DNAH11: variants seen among roughly 807,000 people sequenced by gnomAD.
The protein encoded by DNAH11 is axonemal beta dynein heavy chain 11.
In DNAH11, 442 loss-of-function variants were observed where a neutral mutation model predicts 526.0. The observed-to-expected ratio is 0.84, with a 90% CI of 0.78 to 0.91. The LOEUF (loss-of-function observed/expected upper bound fraction) is 0.91, where lower values mean the gene tolerates loss of function less well. Among genes scored for constraint, DNAH11 ranks in the 40% least tolerant of loss-of-function variants. The pLI is 0.00. For missense variants in DNAH11, 6,989 were observed against 5,448.7 expected, an observed-to-expected ratio of 1.28 and a Z score of -8.90; for synonymous variants, 2,461 against 1,935.9, an observed-to-expected ratio of 1.27 and a Z score of -7.12.
At position 21,869,009 on chromosome 7, in the gene DNAH11, G is replaced by T. The variant is rs755299496; in HGVS notation, c.11967+18G>T. 6.2e-7 allele frequency: 1 copy of T among 1,613,572 alleles called. No homozygotes were observed. The highest frequency in any genetic ancestry group is 2.2e-5 in the East Asian group (1 of 44,860). On this transcript the variant is annotated intron_variant, in intron 73 of 81. Transcript: ENST00000409508. Reference sequence around the variant, plus strand: ...TCCTCCAAGTGAGTATTAAGTTTCAGGGAAGACACTGGGCATAAACACAGA... The same window carrying T: ...TCCTCCAAGTGAGTATTAAGTTTCATGGAAGACACTGGGCATAAACACAGA...
chr7:21,878,315 A>G (rs193000710), intron 74 of DNAH11, among the ~76,000 whole-genome samples: 140 of 152,322 alleles, frequency 9.2e-4, no homozygotes, highest in African/African-American at 3.3e-3. Context: ...TCATTTATAT[A>G]AAGTACAGAT....
intron 61 of DNAH11, among the ~76,000 whole-genome samples, chr7:21,791,428 C>A (rs557946996): frequency 1.3e-5 from 2 of 152,248 alleles, no homozygotes; most frequent in African/African-American, 4.8e-5. Context: ...GCAACTTGAT[C>A]CCCCATCTCT....
chr7:21,631,329 A>T (rs1786596524), intron 25 of DNAH11, among the ~76,000 whole-genome samples: 1 of 152,108 alleles, frequency 6.6e-6, no homozygotes, highest in Non-Finnish European at 1.5e-5. Flanking sequence ...GTCCCTCCCA[A>T]ATCATGTCCT....
At chr7:21,557,743 C>A (rs1417660432) in intron 2 of DNAH11, among the ~76,000 whole-genome samples, 1 of 152,184 alleles carries the variant, frequency 6.6e-6, no homozygotes, top group African/African-American at 2.4e-5. Flanking sequence ...GCAAGTCTTT[C>A]TTAATACCAT....
At position 21,750,375 on chromosome 7, in the gene DNAH11, C is replaced by T; in HGVS notation, c.8940+11C>T. 6.3e-7 allele frequency: 1 copy of T among 1,592,332 alleles called. No homozygotes were observed. Among genetic ancestry groups the T allele is most frequent in the Non-Finnish European group, 8.6e-7 (1 of 1,169,298 alleles). ...CGACTACAGCTCAAAGTAAGAAATA[C>T]TTGCTTAATTTGCATGTTAGTTAAA... On this transcript the variant is annotated intron_variant, in intron 54 of 81. Transcript: ENST00000409508.
intron 24 of DNAH11, among the ~76,000 whole-genome samples, 153 bp downstream of exon 24, chr7:21,619,375 G>T (rs1346235004): frequency 6.6e-6 from 1 of 152,180 alleles, no homozygotes; most frequent in Non-Finnish European, 1.5e-5. Context: ...GGATGAGCAG[G>T]AACTAGAATC....
At chr7:21,584,350 T>G (rs1784414644) in intron 9 of DNAH11, among the ~76,000 whole-genome samples, 1 of 152,120 alleles carries the variant, frequency 6.6e-6, no homozygotes, top group South Asian at 2.1e-4. Context: ...ACACTGCATG[T>G]TCTCACTCAT....
At position 21,865,562 on chromosome 7, in the gene DNAH11, A is replaced by G. The variant is rs867478109; in HGVS notation, c.11496+905A>G. On this transcript the variant is annotated intron_variant, in intron 70 of 81. Coordinates refer to ENST00000409508, the MANE Select transcript of DNAH11 (RefSeq NM_001277115.2). ...CTGGAACTTCATAAGAAATGAAGTTATGGGAGAGAGCCAACCTTAGAGGAT... is the reference window on the plus strand; with the variant it reads ...CTGGAACTTCATAAGAAATGAAGTTGTGGGAGAGAGCCAACCTTAGAGGAT... Among the ~76,000 whole-genome samples, 36 of 152,194 alleles carry G rather than the reference A, an allele frequency of 2.4e-4. 1 individual carries two copies. The highest frequency in any genetic ancestry group is 5.9e-5 in the Non-Finnish European group (4 of 68,034).
At chr7:21,670,266 T>G (rs1025835881) in intron 30 of DNAH11, among the ~76,000 whole-genome samples, 2 of 152,026 alleles carry the variant, frequency 1.3e-5, no homozygotes, top group Admixed American at 1.3e-4. Flanking sequence ...TTAGATTTAT[T>G]TTTAGATGGT....
At chr7:21,626,131 A>C (rs1786319755) in intron 25 of DNAH11, among the ~76,000 whole-genome samples, 1 of 152,108 alleles carries the variant, frequency 6.6e-6, no homozygotes, top group African/African-American at 2.4e-5. Flanking sequence ...AACTGTAGCC[A>C]CCCTACTGAT....
intron 54 of DNAH11, among the ~76,000 whole-genome samples, chr7:21,753,460 G>C (rs1342813011): frequency 6.6e-6 from 1 of 152,136 alleles, no homozygotes; most frequent in Non-Finnish European, 1.5e-5. Flanking sequence ...GTGCCTATGT[G>C]CTTTCATGCT....
Position 21,619,171 on chromosome 7 carries a change from T to C in DNAH11, c.4326T>C (p.Asp1442=). ...CACTGCGGTTACACAGAGTGGAAGATGATGTCCGAAGGATTGTGGACAAGG... is the reference window on the plus strand; with the variant it reads ...CACTGCGGTTACACAGAGTGGAAGACGATGTCCGAAGGATTGTGGACAAGG... ...LLALRLHRVE[D]DVRRIVDKAV... is the part of the protein sequence containing the mutation. Residue 1442 remains aspartate (D), a synonymous_variant, in exon 24 of 82, where the codon GAT becomes GAC. Coordinates refer to ENST00000409508, the MANE Select transcript of DNAH11 (RefSeq NM_001277115.2). 1 of 1,613,548 alleles carries C rather than the reference T, an allele frequency of 6.2e-7. No individual in the cohort carries two copies. Among genetic ancestry groups the C allele is most frequent in the East Asian group, 2.2e-5 (1 of 44,862 alleles).
intron 55 of DNAH11, among the ~76,000 whole-genome samples, chr7:21,768,348 C>T (rs1379239971): frequency 6.6e-6 from 1 of 152,086 alleles, no homozygotes; most frequent in Non-Finnish European, 1.5e-5. Context: ...AGAGAAGCTG[C>T]GGTGTTGAAA....
chr7:21,546,707 C>T (rs1023533959), intron 2 of DNAH11, among the ~76,000 whole-genome samples: 2 of 152,132 alleles, frequency 1.3e-5, no homozygotes, highest in Admixed American at 6.5e-5. Flanking sequence ...CTTTATGTAT[C>T]ACGTTGGCCC....
chr7:21,668,285 G>A (rs995501868), intron 30 of DNAH11, among the ~76,000 whole-genome samples: 8 of 152,010 alleles, frequency 5.3e-5, no homozygotes, highest in African/African-American at 1.4e-4. Context: ...AATAGAGATA[G>A]TATCTCTCTC....
intron 57 of DNAH11, among the ~76,000 whole-genome samples, chr7:21,781,570 G>T (rs1164542400): frequency 1.3e-5 from 2 of 152,164 alleles, no homozygotes; most frequent in South Asian, 2.1e-4. Flanking sequence ...CTTCTAAATT[G>T]AAGCGCTAAT....
In DNAH11 at chr7:21,636,051, G is replaced by A. The variant is rs752129504; in HGVS notation, c.4681G>A (p.Val1561Met). 3.7e-6 allele frequency: 6 copies of A among 1,613,518 alleles called. No individual in the cohort carries two copies. In the East Asian group the frequency reaches 1.1e-4, roughly 30 times the overall value. The stretch of plus-strand genomic sequence containing the variant: ...TTCAGAAGATATTCGAATCCAGCTT[G>A]TGAAAGATGCTAGAAGATTTGATGG... ...VCSEDIRIQL[V>M]KDARRFDGVD... The change falls in exon 26 of 82, where the codon GTG becomes ATG. Residue 1561 changes from valine (V) to methionine (M), a missense_variant. Coordinates refer to ENST00000409508, the MANE Select transcript of DNAH11 (RefSeq NM_001277115.2).
At chr7:21,630,138 A>G (rs1430400793) in intron 25 of DNAH11, among the ~76,000 whole-genome samples, 1 of 152,126 alleles carries the variant, frequency 6.6e-6, no homozygotes, top group Non-Finnish European at 1.5e-5. Flanking sequence ...GTTATTTTAA[A>G]GAGATGACAA....
At chr7:21,637,254 T>G (rs1044809148) in intron 26 of DNAH11, among the ~76,000 whole-genome samples, 1 of 151,670 alleles carries the variant, frequency 6.6e-6, no homozygotes, top group Non-Finnish European at 1.5e-5. Context: ...TGCCCCCACC[T>G]CCTCCTACTT....
Sources: gnomAD v4.1 joint callset for allele counts (sites outside exome capture counted in the v4.1 genomes callset) on GRCh38, gnomAD v4.1.1 for gene constraint, MANE v1.5 for transcripts, NCBI Gene and HGNC (gene_info 2026-07-23, HGNC 2026-07-21) for gene names.